ANKS1B: variants seen among roughly 807,000 people sequenced by gnomAD.
ANKS1B encodes the protein ankyrin repeat and sterile alpha motif domain containing 1B.
ANKS1B carries 36 observed loss-of-function variants against 148.3 expected under a neutral mutation model. The ratio of observed to expected loss-of-function variants is 0.24; its 90% CI spans 0.19 to 0.32. The LOEUF is 0.32. Among genes scored for constraint, ANKS1B ranks in the 10% least tolerant of loss-of-function variants. The pLI is 1.00. For synonymous variants in ANKS1B, 542 were observed against 560.8 expected (o/e 0.97, Z 0.47); for missense variants, 1,157 against 1,542.6 (o/e 0.75, Z 4.19).
chr12:98,821,061 C>T (rs2099185898), intron 19 of ANKS1B, among the ~76,000 whole-genome samples: 1 of 152,164 alleles, frequency 6.6e-6, no homozygotes, highest in Admixed American at 6.6e-5. Flanking sequence ...ATTTGTGCCT[C>T]ACAACAATGA....
chr12:99,429,806 T>C (rs2095333318), intron 11 of ANKS1B, among the ~76,000 whole-genome samples: 1 of 150,822 alleles, frequency 6.6e-6, no homozygotes, highest in African/African-American at 2.5e-5. Flanking sequence ...TACTAAAAAA[T>C]ACAAAAAATT....
intron 14 of ANKS1B, among the ~76,000 whole-genome samples, chr12:99,228,410 AATCT>A (rs3079446): frequency 0.47 from 71,220 of 151,220 alleles, 16,920 homozygotes; most frequent in East Asian, 0.55. Context: ...AATATTTGTC[AATCT>A]ATCTATCTAT....
Position 99,652,441 on chromosome 12 carries a change from C to T in ANKS1B, c.1272+2626G>A, listed in dbSNP as rs537308194. Among the ~76,000 whole-genome samples, 127 of 151,800 alleles carry T rather than the reference C, an allele frequency of 8.4e-4. No homozygotes were observed. The Middle Eastern group carries it at 0.01, about 12-fold the overall frequency. ...TGATCCAAGATCGTACCACTGCACT[C>T]CAGCCTGGGAAACAGAGCGAGACTC... On this transcript the variant is annotated intron_variant, in intron 9 of 26. Coordinates refer to ENST00000683438, the MANE Select transcript of ANKS1B (RefSeq NM_001352186.2).
intron 14 of ANKS1B, among the ~76,000 whole-genome samples, chr12:99,215,208 A>C (rs2083976667): frequency 6.6e-6 from 1 of 152,224 alleles, no homozygotes; most frequent in Non-Finnish European, 1.5e-5. Context: ...CACAGAAGTC[A>C]AGAATTGAGT....
chr12:99,106,583 T>C (rs558355742), intron 15 of ANKS1B, among the ~76,000 whole-genome samples: 1 of 152,366 alleles, frequency 6.6e-6, no homozygotes, highest in African/African-American at 2.4e-5. Flanking sequence ...TTTTTTTAAA[T>C]GGGTACTTAA....
chr12:99,044,150 T>C (rs958164233), intron 17 of ANKS1B, among the ~76,000 whole-genome samples: 1 of 152,180 alleles, frequency 6.6e-6, no homozygotes, highest in Non-Finnish European at 1.5e-5. Context: ...ATTTCCCCTC[T>C]CAAAGCTCTT....
intron 4 of ANKS1B, among the ~76,000 whole-genome samples, chr12:99,789,305 G>T (rs1475691636): frequency 2.0e-5 from 3 of 152,236 alleles, no homozygotes; most frequent in Non-Finnish European, 4.4e-5. Flanking sequence ...TAGTGGGTTT[G>T]GGGCCCAAGT....
intron 9 of ANKS1B, among the ~76,000 whole-genome samples, chr12:99,578,768 G>C (rs1460600539): frequency 1.3e-5 from 2 of 151,976 alleles, no homozygotes; most frequent in African/African-American, 4.8e-5. Flanking sequence ...AAATGGCCAT[G>C]CTGCCCATAG....
chr12:99,787,557 G>A (rs953767760), intron 4 of ANKS1B, among the ~76,000 whole-genome samples: 1 of 152,226 alleles, frequency 6.6e-6, no homozygotes, highest in Non-Finnish European at 1.5e-5. Flanking sequence ...ATGAAGGACA[G>A]AGCAAAATTG....
At chr12:99,903,039 A>G (rs760673859) in intron 1 of ANKS1B, among the ~76,000 whole-genome samples, 4 of 152,162 alleles carry the variant, frequency 2.6e-5, no homozygotes, top group Admixed American at 1.3e-4. Context: ...ATGCTGGGAC[A>G]TGAGCCACCA....
At chr12:99,439,811 T>C (rs1308946938) in intron 11 of ANKS1B, among the ~76,000 whole-genome samples, 1 of 151,742 alleles carries the variant, frequency 6.6e-6, no homozygotes, top group African/African-American at 2.4e-5. Flanking sequence ...TATGAAAACA[T>C]ATGTTTATAA....
chr12:99,283,224 G>A (rs977780634), intron 12 of ANKS1B, among the ~76,000 whole-genome samples: 1 of 152,118 alleles, frequency 6.6e-6, no homozygotes, highest in Non-Finnish European at 1.5e-5. Context: ...TCTAGAATGT[G>A]CTTAATAAAT....
In ANKS1B at chr12:99,059,788, CAT is replaced by C. The variant is rs759625732; in HGVS notation, c.2626-6481_2626-6480del. On this transcript the variant is annotated intron_variant, in intron 16 of 26. Coordinates refer to ENST00000683438, the MANE Select transcript of ANKS1B (RefSeq NM_001352186.2). ...TAAGCCCAAAGACAAAACTAAAATTCATATATATATATATATATGATAGGACG... is the reference window on the plus strand; with the variant it reads ...TAAGCCCAAAGACAAAACTAAAATTCATATATATATATATATGATAGGACG... 7.6e-4 allele frequency among the ~76,000 whole-genome samples: 69 copies of C among 90,200 alleles called. 5 individuals carry two copies. The highest frequency in any genetic ancestry group is 2.3e-3 in the Admixed American group (16 of 7,100). The allele number at this position is 90,200 out of a possible 152,430, so 59.2% of individuals were successfully genotyped here.
At chr12:99,811,276 G>A (rs914481163) in intron 3 of ANKS1B, among the ~76,000 whole-genome samples, 1 of 151,822 alleles carries the variant, frequency 6.6e-6, no homozygotes, top group African/African-American at 2.4e-5. Context: ...TGCTAATTGT[G>A]CTTTATTAGA....
intron 22 of ANKS1B, among the ~76,000 whole-genome samples, chr12:98,791,563 T>A (rs1456368358): frequency 2.6e-5 from 4 of 151,902 alleles, no homozygotes; most frequent in Non-Finnish European, 5.9e-5. Context: ...AATTTTTTTT[T>A]AAAGATGGGA....
intron 19 of ANKS1B, among the ~76,000 whole-genome samples, chr12:98,828,457 T>A (rs1228770611): frequency 2.0e-5 from 3 of 152,332 alleles, no homozygotes; most frequent in South Asian, 4.1e-4. Flanking sequence ...AAGAGTTGAT[T>A]CTGCCAATGG....
intron 9 of ANKS1B, among the ~76,000 whole-genome samples, chr12:99,515,222 T>C (rs969252194): frequency 2.6e-5 from 4 of 152,062 alleles, no homozygotes; most frequent in African/African-American, 7.2e-5. Context: ...TAAATTGTTA[T>C]TGACTATAGC....
At chr12:99,157,618 A>G (rs2076208817) in intron 14 of ANKS1B, among the ~76,000 whole-genome samples, 2 of 152,068 alleles carry the variant, frequency 1.3e-5, no homozygotes. Context: ...GTGTGCACAA[A>G]ACATAGAGAG....
intron 8 of ANKS1B, among the ~76,000 whole-genome samples, chr12:99,694,652 T>C (rs1480410250): frequency 6.6e-6 from 1 of 152,184 alleles, no homozygotes; most frequent in Non-Finnish European, 1.5e-5. Flanking sequence ...GAATTATCCA[T>C]GTCTAGTGAA....
Sources: gnomAD v4.1 joint callset for allele counts (sites outside exome capture counted in the v4.1 genomes callset) on GRCh38, gnomAD v4.1.1 for gene constraint, MANE v1.5 for transcripts, NCBI Gene and HGNC (gene_info 2026-07-23, HGNC 2026-07-21) for gene names.